Variants in RFX3 observed in about 807,000 individuals in gnomAD.
RFX3 encodes transcription factor RFX3.
A neutral mutation model predicts 98.6 loss-of-function variants in RFX3; 14 were observed. The observed-to-expected ratio is 0.14, with a 90% CI of 0.09 to 0.22. RFX3 has a LOEUF of 0.22. Among genes scored for constraint, RFX3 ranks in the 10% least tolerant of loss-of-function variants. The pLI is 1.00. For missense variants in RFX3, 639 were observed against 926.9 expected, an observed-to-expected ratio of 0.69 and a Z score of 4.03; for synonymous variants, 383 against 328.4, an observed-to-expected ratio of 1.17 and a Z score of -1.80.
chr9:3,235,966 A>G (rs544257936), intron 15 of RFX3, among the ~76,000 whole-genome samples: 1 of 152,212 alleles, frequency 6.6e-6, no homozygotes, highest in African/African-American at 2.4e-5. Context: ...TACATAAGTT[A>G]TTTTTTTAAA....
chr9:3,244,413 A>G (rs1166261907), intron 15 of RFX3, among the ~76,000 whole-genome samples: 2 of 152,246 alleles, frequency 1.3e-5, no homozygotes, highest in African/African-American at 4.8e-5. Flanking sequence ...CTGGCACACA[A>G]CTGCTATGTA....
intron 7 of RFX3, 104 bp from the exon 8 acceptor site, chr9:3,277,565 C>T (rs766617847): frequency 3.8e-5 from 37 of 964,970 alleles, no homozygotes; most frequent in East Asian, 7.6e-5. Context: ...TCTTCTTTAA[C>T]GTCTCATGAT....
rs180985052 is a variant in RFX3 at position 3,523,877 on chromosome 9, C to G, written c.-9+1870G>C. ...GCTCTGAGAAAGACTTCTTTCAGAA[C>G]AAAATATCGTCTTCATTTAAAATAG... On this transcript the variant is annotated intron_variant, in intron 1 of 16. Transcript: ENST00000617270. Among the ~76,000 whole-genome samples the G allele has an allele frequency of 4.5e-3, 687 of 152,214 alleles. 4 individuals are homozygous for G. The highest frequency in any genetic ancestry group is 0.016 in the African/African-American group (671 of 41,538).
In RFX3 at chr9:3,251,404, G is replaced by C. The variant is rs965032644; in HGVS notation, c.1815-3219C>G. 4.6e-5 allele frequency among the ~76,000 whole-genome samples: 7 copies of C among 151,858 alleles called. 1 individual carries two copies. The highest frequency in any genetic ancestry group is 6.8e-3 in the Middle Eastern group (2 of 292). ...GCTGTATTGTCCAGGCTGGGGTGTG[G>C]TGATGCCATTATAGTTCACTGCAGC... On this transcript the variant is annotated intron_variant, in intron 14 of 16. Coordinates refer to ENST00000617270, the MANE Select transcript of RFX3 (RefSeq NM_001282116.2).
intron 4 of RFX3, among the ~76,000 whole-genome samples, chr9:3,321,777 C>T (rs79818016): frequency 0.059 from 9,025 of 152,114 alleles, 865 homozygotes; most frequent in African/African-American, 0.2. Context: ...ATAAAACACA[C>T]TTTTCTATCC....
intron 15 of RFX3, among the ~76,000 whole-genome samples, chr9:3,245,767 T>A (rs187082013): frequency 3.9e-5 from 6 of 152,290 alleles, no homozygotes; most frequent in Admixed American, 3.9e-4. Context: ...TTATTACTCA[T>A]TATTCCAAAC....
intron 1 of RFX3, among the ~76,000 whole-genome samples, chr9:3,396,279 G>C (rs554271478): frequency 3.3e-5 from 5 of 152,140 alleles, no homozygotes; most frequent in African/African-American, 1.2e-4. Flanking sequence ...CTATGAGTGA[G>C]AACATGCGGT....
At chr9:3,415,098 A>T (rs1468413743) in intron 1 of RFX3, among the ~76,000 whole-genome samples, 14 of 86,300 alleles carry the variant, frequency 1.6e-4, no homozygotes, top group African/African-American at 1.2e-3. Flanking sequence ...ATATATACTC[A>T]TATATAAGTA....
At chr9:3,313,122 G>A (rs906133889) in intron 4 of RFX3, among the ~76,000 whole-genome samples, 1 of 152,188 alleles carries the variant, frequency 6.6e-6, no homozygotes, top group African/African-American at 2.4e-5. Context: ...CCCAGTAGGG[G>A]CCGACTGACA....
At chr9:3,385,535 C>T (rs1839616702) in intron 2 of RFX3, among the ~76,000 whole-genome samples, 1 of 151,672 alleles carries the variant, frequency 6.6e-6, no homozygotes, top group African/African-American at 2.4e-5. Context: ...TGGTGAAACC[C>T]CGTCTCTACT....
At chr9:3,242,572 A>G (rs1476894307) in intron 15 of RFX3, among the ~76,000 whole-genome samples, 3 of 152,198 alleles carry the variant, frequency 2.0e-5, no homozygotes, top group African/African-American at 7.2e-5. Flanking sequence ...TTTTACTTTA[A>G]GCACCAATAT....
intron 11 of RFX3, 104 bp downstream of exon 11, chr9:3,270,267 T>G: frequency 2.5e-6 from 3 of 1,223,884 alleles, no homozygotes; most frequent in Non-Finnish European, 3.4e-6. Context: ...CTGGCAAATC[T>G]AAATGAAATT....
rs1347448439 is a variant in RFX3, at chr9:3,525,738, A to G, written c.-9+9T>C. 1 of 257,664 alleles carries G rather than the reference A, an allele frequency of 3.9e-6. No homozygotes were observed. The highest frequency in any genetic ancestry group is 6.1e-6 in the Non-Finnish European group (1 of 164,460). The allele number at this position is 257,664 out of a possible 1,614,324, so 16.0% of individuals were successfully genotyped here. A position where few individuals can be genotyped will look rare whatever the true frequency, so the allele number is the denominator to read the frequency against. ...TCCCACACACATGTAGAGACCGAAGAATATTCACCTTGGCTGTGGATTATT... is the reference window on the plus strand; with the variant it reads ...TCCCACACACATGTAGAGACCGAAGGATATTCACCTTGGCTGTGGATTATT... On this transcript the variant is annotated intron_variant, in intron 1 of 16. Transcript: ENST00000617270.
intron 8 of RFX3, among the ~76,000 whole-genome samples, chr9:3,276,689 A>G (rs1408158822): frequency 6.6e-6 from 1 of 152,028 alleles, no homozygotes; most frequent in Non-Finnish European, 1.5e-5. Flanking sequence ...AGACACATAC[A>G]CACAGTCACT....
intron 5 of RFX3, among the ~76,000 whole-genome samples, chr9:3,295,470 G>T (rs918992458): frequency 6.6e-6 from 1 of 151,798 alleles, no homozygotes; most frequent in African/African-American, 2.4e-5. Flanking sequence ...ATTAAAGAAG[G>T]GCATATAGGT....
chr9:3,309,443 G>C (rs1367971886), intron 4 of RFX3, among the ~76,000 whole-genome samples: 3 of 152,128 alleles, frequency 2.0e-5, no homozygotes, highest in East Asian at 3.9e-4. Flanking sequence ...ATGCTGCCTT[G>C]TTGGAATGAA....
chr9:3,261,626 G>T (rs532851322), intron 13 of RFX3, among the ~76,000 whole-genome samples: 1 of 152,116 alleles, frequency 6.6e-6, no homozygotes, highest in Admixed American at 6.5e-5. Context: ...TATAAGTTTT[G>T]TGTGGACATG....
chr9:3,442,929 T>G (rs901199540), intron 1 of RFX3, among the ~76,000 whole-genome samples: 1 of 152,100 alleles, frequency 6.6e-6, no homozygotes, highest in Non-Finnish European at 1.5e-5. Context: ...TGAAAGACAC[T>G]GTACAGGAAT....
chr9:3,460,495 C>T (rs995149489), intron 1 of RFX3, among the ~76,000 whole-genome samples: 3 of 151,912 alleles, frequency 2.0e-5, no homozygotes, highest in Non-Finnish European at 2.9e-5. Flanking sequence ...TTTTCCTCTA[C>T]CTTATACTCA....
Sources: gnomAD v4.1 joint callset for allele counts (sites outside exome capture counted in the v4.1 genomes callset) on GRCh38, gnomAD v4.1.1 for gene constraint, MANE v1.5 for transcripts, NCBI Gene and HGNC (gene_info 2026-07-23, HGNC 2026-07-21) for gene names.